AGBL4: variants seen among roughly 807,000 people sequenced by gnomAD.
AGBL4 encodes the protein cytosolic carboxypeptidase 6.
A neutral mutation model predicts 66.4 loss-of-function variants in AGBL4; 58 were observed. That is an observed-to-expected ratio of 0.87 (90% CI 0.71 to 1.09). AGBL4 has a LOEUF of 1.09. Ranked by LOEUF, AGBL4 falls within the 50% of genes least tolerant of loss-of-function variation. The probability of loss-of-function intolerance (pLI) is 0.00; values close to 1 mark genes in which losing one functional copy is unlikely to be tolerated. For missense variants in AGBL4, 579 were observed against 631.0 expected (o/e 0.92, Z 0.88); for synonymous variants, 234 against 222.9 (o/e 1.05, Z -0.44).
chr1:49,875,823 T>C (rs1181064858), intron 1 of AGBL4, among the ~76,000 whole-genome samples: 1 of 140,334 alleles, frequency 7.1e-6, no homozygotes, highest in Non-Finnish European at 1.5e-5. Flanking sequence ...CACCTGTTGT[T>C]TCCTGACTTT....
chr1:49,694,463 G>C (rs1234434617), intron 3 of AGBL4, among the ~76,000 whole-genome samples: 4 of 152,072 alleles, frequency 2.6e-5, no homozygotes. Flanking sequence ...GCTGATAAAA[G>C]CATCAGGCTC....
intron 1 of AGBL4, chr1:49,994,662 T>C (rs944259928): frequency 2.6e-5 from 4 of 153,186 alleles, no homozygotes; most frequent in African/African-American, 9.6e-5. Context: ...GACTAGCTTG[T>C]GGCTCCACTC....
intron 3 of AGBL4, among the ~76,000 whole-genome samples, chr1:49,673,658 A>C (rs2124534270): frequency 6.6e-6 from 1 of 152,290 alleles, no homozygotes; most frequent in East Asian, 1.9e-4. Flanking sequence ...GAAAAAAATC[A>C]ACAAACTTTA....
chr1:48,739,731 C>T (rs1339812744), intron 6 of AGBL4, among the ~76,000 whole-genome samples: 1 of 152,202 alleles, frequency 6.6e-6, no homozygotes, highest in African/African-American at 2.4e-5. Flanking sequence ...GAGGACACAG[C>T]AACTGTTACA....
intron 11 of AGBL4, among the ~76,000 whole-genome samples, chr1:48,579,991 A>C (rs1238102176): frequency 1.3e-5 from 2 of 152,130 alleles, no homozygotes; most frequent in East Asian, 1.9e-4. Flanking sequence ...GGGACTTCTA[A>C]AATTGTAGTT....
intron 4 of AGBL4, among the ~76,000 whole-genome samples, chr1:49,219,176 T>C (rs549023071): frequency 1.3e-5 from 2 of 152,242 alleles, no homozygotes; most frequent in African/African-American, 4.8e-5. Context: ...TACTCCCTTT[T>C]CTATGATGCA....
At chr1:49,955,502 C>A (rs1324454188) in intron 1 of AGBL4, among the ~76,000 whole-genome samples, 1 of 151,820 alleles carries the variant, frequency 6.6e-6, no homozygotes, top group Non-Finnish European at 1.5e-5. Context: ...GCAAGGGTCC[C>A]AATACTATAT....
intron 6 of AGBL4, among the ~76,000 whole-genome samples, chr1:48,671,905 T>C (rs910733780): frequency 3.9e-5 from 6 of 152,226 alleles, no homozygotes; most frequent in African/African-American, 1.4e-4. Flanking sequence ...ATGTGCGCTC[T>C]GCTTTTTGAA....
At chr1:49,282,518 C>A (rs1057141988) in intron 3 of AGBL4, among the ~76,000 whole-genome samples, 2 of 150,356 alleles carry the variant, frequency 1.3e-5, no homozygotes, top group African/African-American at 5.0e-5. Flanking sequence ...GGGGGAGGAC[C>A]CAAGATGGCC....
At chr1:49,634,448 T>G (rs2124374076) in intron 3 of AGBL4, among the ~76,000 whole-genome samples, 1 of 152,324 alleles carries the variant, frequency 6.6e-6, no homozygotes, top group East Asian at 1.9e-4. Context: ...CACATCTTCT[T>G]TATCCAGTCT....
intron 3 of AGBL4, among the ~76,000 whole-genome samples, chr1:49,258,175 C>T (rs1423529266): frequency 6.6e-6 from 1 of 152,066 alleles, no homozygotes; most frequent in African/African-American, 2.4e-5. Context: ...TCACCAAAGA[C>T]CAAAAGTACA....
At chr1:49,956,408 A>C (rs1041833729) in intron 1 of AGBL4, among the ~76,000 whole-genome samples, 3 of 151,912 alleles carry the variant, frequency 2.0e-5, no homozygotes, top group Non-Finnish European at 1.5e-5. Flanking sequence ...TTGTACCAGG[A>C]AGTACAGAAA....
chr1:48,687,379 G>A (rs552456609), intron 6 of AGBL4, among the ~76,000 whole-genome samples: 1 of 152,278 alleles, frequency 6.6e-6, no homozygotes, highest in East Asian at 1.9e-4. Flanking sequence ...TGGAGAAAAG[G>A]CCCCGGTGGG....
chr1:48,712,585 T>C (rs1570324652), intron 6 of AGBL4, among the ~76,000 whole-genome samples: 1 of 152,128 alleles, frequency 6.6e-6, no homozygotes, highest in East Asian at 1.9e-4. Flanking sequence ...ACCCCCACAG[T>C]GTGGTCTGCA....
At chr1:49,892,029 A>G (rs1366308845) in intron 1 of AGBL4, among the ~76,000 whole-genome samples, 1 of 152,178 alleles carries the variant, frequency 6.6e-6, no homozygotes, top group Non-Finnish European at 1.5e-5. Context: ...GGAACTAAAA[A>G]AACAAAGGAC....
chr1:49,192,632 A>G (rs558751642), intron 4 of AGBL4, among the ~76,000 whole-genome samples: 1 of 152,210 alleles, frequency 6.6e-6, no homozygotes, highest in Non-Finnish European at 1.5e-5. Context: ...GTTGGCTTGT[A>G]TGTCTTCTTT....
intron 2 of AGBL4, among the ~76,000 whole-genome samples, chr1:49,795,126 T>C (rs1344404289): frequency 6.6e-6 from 1 of 151,906 alleles, no homozygotes. Flanking sequence ...ACTGAAATGA[T>C]ATTTTAAATG....
At chr1:49,634,875 A>T (rs536916982) in intron 3 of AGBL4, among the ~76,000 whole-genome samples, 1 of 152,332 alleles carries the variant, frequency 6.6e-6, no homozygotes, top group East Asian at 1.9e-4. Flanking sequence ...AAAAATGAGA[A>T]GAGGCTACTT....
At chr1:49,942,756 C>T (rs1223553075) in intron 1 of AGBL4, among the ~76,000 whole-genome samples, 1 of 152,058 alleles carries the variant, frequency 6.6e-6, no homozygotes, top group Non-Finnish European at 1.5e-5. Flanking sequence ...AGCTTCTTGA[C>T]CTTAGTCTGA....
Sources: gnomAD v4.1 joint callset for allele counts (sites outside exome capture counted in the v4.1 genomes callset) on GRCh38, gnomAD v4.1.1 for gene constraint, MANE v1.5 for transcripts, NCBI Gene and HGNC (gene_info 2026-07-23, HGNC 2026-07-21) for gene names.